Variants in HMGA1 observed in about 807,000 individuals in gnomAD.
The protein encoded by HMGA1 is high mobility group AT-hook 1, also known as high mobility group protein HMG-I/HMG-Y.
In HMGA1, 1 loss-of-function variant was observed where a neutral mutation model predicts 15.1. The ratio of observed to expected loss-of-function variants is 0.07; its 90% CI spans 0.02 to 0.31. The LOEUF is 0.31. Ranked by LOEUF, HMGA1 falls within the 10% of genes least tolerant of loss-of-function variation. The probability of loss-of-function intolerance (pLI) is 1.00; values close to 1 mark genes in which losing one functional copy is unlikely to be tolerated. For missense variants in HMGA1, 94 were observed against 141.4 expected, an observed-to-expected ratio of 0.66 and a Z score of 1.70; for synonymous variants, 56 against 54.8, an observed-to-expected ratio of 1.02 and a Z score of -0.10.
chr6:34,239,225 A>G (rs1762091060), intron 2 of HMGA1, among the ~76,000 whole-genome samples: 1 of 152,000 alleles, frequency 6.6e-6, no homozygotes, highest in Non-Finnish European at 1.5e-5. Flanking sequence ...CAAGTTTGCA[A>G]AAATGTTTTT....
At chr6:34,237,786 G>C (rs1290188680) in intron 2 of HMGA1, among the ~76,000 whole-genome samples, 7 of 151,694 alleles carry the variant, frequency 4.6e-5, no homozygotes, top group Non-Finnish European at 1.0e-4. Context: ...CCGCAGCTCA[G>C]GGAAGTTCTG....
chr6:34,239,378 G>A (rs572979269), intron 2 of HMGA1, among the ~76,000 whole-genome samples: 20 of 151,892 alleles, frequency 1.3e-4, no homozygotes, highest in African/African-American at 4.8e-4. Context: ...CAAAGTGCTG[G>A]GATTACAGGC....
chr6:34,244,070 A>G (rs1353846082), intron 5 of HMGA1, among the ~76,000 whole-genome samples: 1 of 150,396 alleles, frequency 6.6e-6, no homozygotes, highest in Non-Finnish European at 1.5e-5. Flanking sequence ...GGGCCACTGC[A>G]GTTAGGGTCA....
At chr6:34,240,966 G>GGT (rs1476988798) in intron 3 of HMGA1, 51 bp downstream of exon 3, 4 of 1,606,926 alleles carry the variant, frequency 2.5e-6, no homozygotes, top group Non-Finnish European at 3.4e-6. Flanking sequence ...GGGCTAGGGA[G>GGT]GTGCCTGGAG....
chr6:34,240,971 C>T (rs1430692327), intron 3 of HMGA1, 56 bp downstream of exon 3: 11 of 1,603,402 alleles, frequency 6.9e-6, no homozygotes, highest in Non-Finnish European at 9.4e-6. Context: ...AGGGAGGTGC[C>T]TGGAGTTTCA....
At chr6:34,243,421 A>G (rs1762461500) in intron 4 of HMGA1, 47 bp from the exon 5 acceptor site, 1 of 1,453,598 alleles carries the variant, frequency 6.9e-7, no homozygotes, top group South Asian at 1.1e-5. Context: ...TCGGGTGAGC[A>G]CTGATGAGCA....
chr6:34,243,334 T>G (rs1428695242), intron 4 of HMGA1, 134 bp from the exon 5 acceptor site: 2 of 736,902 alleles, frequency 2.7e-6, no homozygotes, highest in Non-Finnish European at 4.9e-6. Context: ...CCAGCTGGAC[T>G]TGGGTGGGCC....
In HMGA1 at chr6:34,245,488, TC is replaced by T. The variant is rs1360752226; in HGVS notation, c.*608del. 6 of 1,381,242 alleles carry T rather than the reference TC, an allele frequency of 4.3e-6. No individual in the cohort carries two copies. Among genetic ancestry groups the T allele is most frequent in the South Asian group, 1.2e-5 (1 of 81,692 alleles). The allele number at this position is 1,381,242 out of a possible 1,614,324, so 85.6% of individuals were successfully genotyped here. A position where few individuals can be genotyped will look rare whatever the true frequency, so the allele number is the denominator to read the frequency against. On this transcript the variant is annotated 3_prime_UTR_variant, in exon 6 of 6. Transcript: ENST00000311487. ...TTTCATCCTTCCCCAACTTCCCTAG[TC>T]CCCGTACTAGGTTGGACAGCCCCCT...
rs1207411040 is a variant in HMGA1, at chr6:34,242,780, T to C, written c.204T>C (p.Gly68=). Residue 68 remains glycine (G), a synonymous_variant, in exon 4 of 6, where the codon GGT becomes GGC. Transcript: ENST00000311487. The stretch of plus-strand genomic sequence containing the variant: ...GACCAAAGGGAAGCAAAAACAAGGG[T>C]GCTGCCAAGACCCGGGTGAGACTTG... The part of the protein sequence containing the change: ...RGRPKGSKNK[G]AAKTRKTTTT... 6.3e-7 allele frequency: 1 copy of C among 1,589,596 alleles called. No homozygotes were observed. Among genetic ancestry groups the C allele is most frequent in the South Asian group, 1.1e-5 (1 of 87,780 alleles).
At chr6:34,240,082 C>T (rs1762174594) in intron 2 of HMGA1, among the ~76,000 whole-genome samples, 1 of 152,152 alleles carries the variant, frequency 6.6e-6, no homozygotes, top group Non-Finnish European at 1.5e-5. Context: ...ACCATCTCCT[C>T]CCTCCCTCAA....
intron 2 of HMGA1, among the ~76,000 whole-genome samples, chr6:34,238,537 T>C (rs905642373): frequency 3.9e-5 from 6 of 152,200 alleles, no homozygotes; most frequent in Non-Finnish European, 7.3e-5. Context: ...GATAATTTCC[T>C]AGGGCCTTTC....
chr6:34,245,324 A>T lies in HMGA1; in HGVS notation c.*440A>T, dbSNP rs1323417720. The T allele has an allele frequency of 2.0e-5, 28 of 1,368,178 alleles. No individual in the cohort carries two copies. Among genetic ancestry groups the T allele is most frequent in the Non-Finnish European group, 2.7e-5 (28 of 1,037,986 alleles). The allele number at this position is 1,368,178 out of a possible 1,614,324, so 84.8% of individuals were successfully genotyped here. A position where few individuals can be genotyped will look rare whatever the true frequency, so the allele number is the denominator to read the frequency against. ...GGCCTGGGAGGGTTCCCCTGGCCTT[A>T]AAAGGGGCCCAAGCCCCATCTCATC... On this transcript the variant is annotated 3_prime_UTR_variant, in exon 6 of 6. Coordinates refer to ENST00000311487, the MANE Select transcript of HMGA1 (RefSeq NM_145899.3).
chr6:34,238,611 T>G (rs1762030023), intron 2 of HMGA1, among the ~76,000 whole-genome samples: 1 of 152,202 alleles, frequency 6.6e-6, no homozygotes, highest in Admixed American at 6.5e-5. Flanking sequence ...GGAGACAGGC[T>G]TGAGGCCCAA....
chr6:34,243,661 G>T, intron 5 of HMGA1, 143 bp downstream of exon 5: 1 of 776,812 alleles, frequency 1.3e-6, no homozygotes, highest in African/African-American at 1.7e-5. Context: ...GAAGTCCAGA[G>T]AGGGGAAGGT....
At chr6:34,237,359 G>A (rs1761846972) in intron 2 of HMGA1, 42 bp downstream of exon 2, 1 of 145,594 alleles carries the variant, frequency 6.9e-6, no homozygotes, top group Non-Finnish European at 1.5e-5. Context: ...GGCGGAGGGG[G>A]GCGCCCGCGC....
At chr6:34,237,627 C>T (rs1209060734) in intron 2 of HMGA1, among the ~76,000 whole-genome samples, 1 of 148,190 alleles carries the variant, frequency 6.7e-6, no homozygotes, top group Non-Finnish European at 1.5e-5. Flanking sequence ...GCGAGTTGTG[C>T]ACCCGGCGGA....
chr6:34,240,642 A>C (rs554504042), intron 2 of HMGA1, 95 bp from the exon 3 acceptor site: 19 of 1,007,506 alleles, frequency 1.9e-5, no homozygotes, highest in Non-Finnish European at 2.9e-5. Flanking sequence ...ATGGGAGCAC[A>C]GTTTTCTGCA....
rs546851558 is a variant in HMGA1, at chr6:34,238,200, G to A, written c.-45+883G>A. ...GGGCCGGGTGCACCCGCGTGGCGGT[G>A]CATGCGGTCGGGGTGCGCTGCTTTC... On this transcript the variant is annotated intron_variant, in intron 2 of 5. Coordinates refer to ENST00000311487, the MANE Select transcript of HMGA1 (RefSeq NM_145899.3). Among the ~76,000 whole-genome samples the A allele has an allele frequency of 2.6e-4, 40 of 152,212 alleles. 1 individual carries two copies. Among genetic ancestry groups the A allele is most frequent in the African/African-American group, 8.4e-4 (35 of 41,552 alleles).
chr6:34,240,495 GCAGGA>G (rs1218481701), intron 2 of HMGA1, among the ~76,000 whole-genome samples: 1 of 152,114 alleles, frequency 6.6e-6, no homozygotes, highest in African/African-American at 2.4e-5. Context: ...CGGTGTTAAG[GCAGGA>G]CAACAAAGAG....
Sources: gnomAD v4.1 joint callset for allele counts (sites outside exome capture counted in the v4.1 genomes callset) on GRCh38, gnomAD v4.1.1 for gene constraint, MANE v1.5 for transcripts, NCBI Gene and HGNC (gene_info 2026-07-23, HGNC 2026-07-21) for gene names.